The following NCBP3 variants were observed in gnomAD, a reference collection of about 807,000 sequenced individuals.
NCBP3 encodes nuclear cap-binding protein subunit 3.
A neutral mutation model predicts 75.7 loss-of-function variants in NCBP3; 20 were observed. The ratio of observed to expected loss-of-function variants is 0.26; its 90% CI spans 0.19 to 0.38. NCBP3 has a LOEUF of 0.38. Ranked by LOEUF, NCBP3 falls within the 10% of genes least tolerant of loss-of-function variation. The pLI is 1.00. For synonymous variants in NCBP3, 293 were observed against 290.5 expected, an observed-to-expected ratio of 1.01 and a Z score of -0.09; for missense variants, 678 against 796.9, an observed-to-expected ratio of 0.85 and a Z score of 1.80.
rs1322868048 is a variant in NCBP3 at position 3,832,145 on chromosome 17, T to C, written c.356-2777A>G. Among the ~76,000 whole-genome samples the C allele has an allele frequency of 7.9e-5, 8 of 101,716 alleles. 1 individual carries two copies. Among genetic ancestry groups the C allele is most frequent in the Admixed American group, 5.1e-4 (5 of 9,794 alleles). The allele number at this position is 101,716 out of a possible 152,430, so 66.7% of individuals were successfully genotyped here. On this transcript the variant is annotated intron_variant, in intron 3 of 12. Transcript: ENST00000389005. ...GTTGCAGTAAGCCGAGATTGTGCCA[T>C]TGCACTCCAGACTGGGCGACAGGGC...
intron 6 of NCBP3, among the ~76,000 whole-genome samples, chr17:3,825,376 A>G (rs1009483073): frequency 6.6e-6 from 1 of 152,198 alleles, no homozygotes; most frequent in Non-Finnish European, 1.5e-5. Context: ...GCTTGAAGCT[A>G]TATCCCTAGC....
intron 11 of NCBP3, 140 bp downstream of exon 11, chr17:3,815,976 C>G: frequency 1.4e-6 from 1 of 695,688 alleles, no homozygotes; most frequent in Non-Finnish European, 2.2e-6. Context: ...TTTCCAACAC[C>G]TAGCCCACAA....
In NCBP3 at chr17:3,835,335, C is replaced by CAA. The variant is rs78941904; in HGVS notation, c.355+4764_355+4765insTT. Reference sequence around the variant, plus strand: ...GAGTGCAACACTGAAATGGCTGAGACAGAGACAACGGTGAGGAACAGTCCT... The same window carrying CAA: ...GAGTGCAACACTGAAATGGCTGAGACAAAGAGACAACGGTGAGGAACAGTCCT... On this transcript the variant is annotated intron_variant, in intron 3 of 12. Coordinates refer to ENST00000389005, the MANE Select transcript of NCBP3 (RefSeq NM_001114118.3). Among the ~76,000 whole-genome samples, 32 of 152,316 alleles carry CAA rather than the reference C, an allele frequency of 2.1e-4. No homozygotes were observed. The East Asian group carries it at 3.7e-3, about 17-fold the overall frequency.
At chr17:3,833,705 T>C (rs2053925605) in intron 3 of NCBP3, among the ~76,000 whole-genome samples, 1 of 152,184 alleles carries the variant, frequency 6.6e-6, no homozygotes. Context: ...TCCTGTTTGC[T>C]TTTAAGGTAT....
At chr17:3,840,073 A>G in intron 3 of NCBP3, 27 bp downstream of exon 3, 1 of 1,526,366 alleles carries the variant, frequency 6.6e-7, no homozygotes, top group Non-Finnish European at 8.9e-7. Flanking sequence ...GGAAATGTGG[A>G]CAAATTTCCC....
rs1214426879 is a variant in NCBP3 at position 3,809,106 on chromosome 17, A to C, written c.*3938T>G. Reference sequence around the variant, plus strand: ...CTAGACGGCCTGGGCAACATAACGAAACCCCATCTGTACAAAATGTATTTT... The same window carrying C: ...CTAGACGGCCTGGGCAACATAACGACACCCCATCTGTACAAAATGTATTTT... On this transcript the variant is annotated 3_prime_UTR_variant, in exon 13 of 13. Transcript: ENST00000389005. 3 of 152,048 alleles carry C rather than the reference A, an allele frequency of 2.0e-5. No homozygotes were observed. Among genetic ancestry groups the C allele is most frequent in the Non-Finnish European group, 4.4e-5 (3 of 68,022 alleles). The allele number at this position is 152,048 out of a possible 1,614,324, so 9.4% of individuals were successfully genotyped here.
intron 6 of NCBP3, 91 bp downstream of exon 6, chr17:3,825,676 A>C: frequency 1.1e-6 from 1 of 904,582 alleles, no homozygotes; most frequent in Admixed American, 2.3e-5. Context: ...AGCTAGAGAA[A>C]AAACGTAACT....
At position 3,803,241 on chromosome 17, in the gene NCBP3, C is replaced by G. The variant is rs2053295711; in HGVS notation, c.*9803G>C. 6.6e-6 allele frequency: 1 copy of G among 152,224 alleles called. No homozygotes were observed. Among genetic ancestry groups the G allele is most frequent in the African/African-American group, 2.4e-5 (1 of 41,440 alleles). 9.4% of individuals were successfully genotyped at this position (152,224 alleles called of 1,614,324 possible). A position where few individuals can be genotyped will look rare whatever the true frequency, so the allele number is the denominator to read the frequency against. ...GTTCTACAACAGAAACTGGACTGTA[C>G]TCTTCACAAACATCAATGTCATGAA... On this transcript the variant is annotated 3_prime_UTR_variant, in exon 13 of 13. Transcript: ENST00000389005.
intron 3 of NCBP3, among the ~76,000 whole-genome samples, chr17:3,833,495 G>A (rs182163894): frequency 3.6e-4 from 55 of 151,950 alleles, no homozygotes; most frequent in African/African-American, 1.2e-3. Context: ...TGATGTGTAC[G>A]ACTTTCCCTA....
chr17:3,830,889 G>T (rs568589671), intron 3 of NCBP3, among the ~76,000 whole-genome samples: 1 of 142,878 alleles, frequency 7.0e-6, no homozygotes, highest in Non-Finnish European at 1.5e-5. Flanking sequence ...AGCCAATTGC[G>T]TACTTTTTTA....
chr17:3,813,412 C>T, intron 12 of NCBP3, 133 bp from the exon 13 acceptor site: 4 of 1,112,276 alleles, frequency 3.6e-6, no homozygotes, highest in Non-Finnish European at 5.1e-6. Context: ...CACCACAGTG[C>T]AGCCTTGGGC....
At chr17:3,833,662 T>C (rs545622909) in intron 3 of NCBP3, among the ~76,000 whole-genome samples, 18 of 151,786 alleles carry the variant, frequency 1.2e-4, no homozygotes, top group African/African-American at 4.3e-4. Flanking sequence ...AAAAAAGACA[T>C]CTGAGGCCAG....
At chr17:3,832,462 C>CT (rs2053898393) in intron 3 of NCBP3, among the ~76,000 whole-genome samples, 1 of 117,082 alleles carries the variant, frequency 8.5e-6, no homozygotes, top group African/African-American at 2.6e-5. Flanking sequence ...AACCCCGTCT[C>CT]TACTAAAAAT....
In NCBP3 at chr17:3,808,644, G is replaced by A. The variant is rs1174971204; in HGVS notation, c.*4400C>T. On this transcript the variant is annotated 3_prime_UTR_variant, in exon 13 of 13. Transcript: ENST00000389005. The stretch of plus-strand genomic sequence containing the variant: ...TAGGGAACTGGTGAGCAGAGGGCAG[G>A]GGAGATGGGGAGAACAGGCCAGGGA... The A allele has an allele frequency of 3.3e-5, 5 of 152,370 alleles. No individual in the cohort carries two copies. Among genetic ancestry groups the A allele is most frequent in the Non-Finnish European group, 7.3e-5 (5 of 68,184 alleles). 9.4% of individuals were successfully genotyped at this position (152,370 alleles called of 1,614,324 possible).
In NCBP3 at chr17:3,810,898, G is replaced by C. The variant is rs1597389404; in HGVS notation, c.*2146C>G. 1 of 152,354 alleles carries C rather than the reference G, an allele frequency of 6.6e-6. No individual in the cohort carries two copies. The highest frequency in any genetic ancestry group is 1.5e-5 in the Non-Finnish European group (1 of 68,094). The allele number at this position is 152,354 out of a possible 1,614,324, so 9.4% of individuals were successfully genotyped here. On this transcript the variant is annotated 3_prime_UTR_variant, in exon 13 of 13. Transcript: ENST00000389005. ...GAACAAATGGACCTGAGCTGCTGGT[G>C]TAAAACCAAAAGGAAAGTCTGTGAA...
At chr17:3,834,158 T>C (rs745307036) in intron 3 of NCBP3, among the ~76,000 whole-genome samples, 1 of 152,174 alleles carries the variant, frequency 6.6e-6, no homozygotes, top group Non-Finnish European at 1.5e-5. Flanking sequence ...GGCACACATG[T>C]AGGAGAGAGA....
At chr17:3,815,848 G>A (rs1244755013) in intron 11 of NCBP3, among the ~76,000 whole-genome samples, 2 of 152,138 alleles carry the variant, frequency 1.3e-5, no homozygotes, top group South Asian at 2.1e-4. Flanking sequence ...TCTGTAGGGG[G>A]CGGGGAGGGG....
chr17:3,810,351 A>AGG lies in NCBP3; in HGVS notation c.*2692_*2693insCC, dbSNP rs2143623410. On this transcript the variant is annotated 3_prime_UTR_variant, in exon 13 of 13. Transcript: ENST00000389005. ...GAGACTACATCCTGAGGACGCCACA[A>AGG]ATTATCCTGGGTACCTGGTAACTCT... 1 of 152,336 alleles carries AGG rather than the reference A, an allele frequency of 6.6e-6. No homozygotes were observed. The highest frequency in any genetic ancestry group is 6.5e-5 in the Admixed American group (1 of 15,300). 9.4% of individuals were successfully genotyped at this position (152,336 alleles called of 1,614,324 possible).
chr17:3,812,938 G>A lies in NCBP3; in HGVS notation c.*106C>T, dbSNP rs1171418058. 5 of 1,540,382 alleles carry A rather than the reference G, an allele frequency of 3.2e-6. No individual in the cohort carries two copies. The highest frequency in any genetic ancestry group is 4.1e-5 in the Admixed American group (2 of 48,436). ...GCAAGAGCGGAGGGTGACTGTGTGA[G>A]CAGGAGCGAGAGGGCGCCAGCTCCT... On this transcript the variant is annotated 3_prime_UTR_variant, in exon 13 of 13. Transcript: ENST00000389005.
Sources: allele counts gnomAD v4.1 joint callset (sites outside exome capture counted in the v4.1 genomes callset), GRCh38; gene constraint gnomAD v4.1.1; transcripts MANE v1.5; gene names NCBI Gene and HGNC (gene_info 2026-07-23, HGNC 2026-07-21).